RAPGEF1: variants seen among roughly 807,000 people sequenced by gnomAD.
RAPGEF1 encodes the protein Rap guanine nucleotide exchange factor 1.
A neutral mutation model predicts 143.3 loss-of-function variants in RAPGEF1; 33 were observed. The observed-to-expected ratio is 0.23, with a 90% CI of 0.17 to 0.31. The LOEUF is 0.31. Ranked by LOEUF, RAPGEF1 falls within the 10% of genes least tolerant of loss-of-function variation. The probability of loss-of-function intolerance (pLI) is 1.00; values close to 1 mark genes in which losing one functional copy is unlikely to be tolerated. For synonymous variants in RAPGEF1, 629 were observed against 676.5 expected, an observed-to-expected ratio of 0.93 and a Z score of 1.09; for missense variants, 1,199 against 1,645.4, an observed-to-expected ratio of 0.73 and a Z score of 4.69.
At chr9:131,598,045 G>A (rs1052210014) in intron 16 of RAPGEF1, among the ~76,000 whole-genome samples, 154 bp downstream of exon 16, 1 of 152,176 alleles carries the variant, frequency 6.6e-6, no homozygotes, top group Non-Finnish European at 1.5e-5. Flanking sequence ...CCCCTCCAGA[G>A]CCCACAGCCC....
Position 131,626,224 on chromosome 9 carries a change from G to C in RAPGEF1, c.1400C>G (p.Thr467Arg), listed in dbSNP as rs1327015667. 1 of 1,613,910 alleles carries C rather than the reference G, an allele frequency of 6.2e-7. No individual in the cohort carries two copies. The highest frequency in any genetic ancestry group is 8.5e-7 in the Non-Finnish European group (1 of 1,179,822). The change falls in exon 10 of 27, where the codon ACA becomes AGA. Residue 467 changes from threonine to arginine, a missense_variant. Physicochemically the swap from Thr to Arg is moderately conservative, Grantham distance 71. Around this residue, in one of 6 missense-constraint regions of RAPGEF1, gnomAD observed 613 missense variants for 710.9 expected, o/e 0.86. Coordinates refer to ENST00000683357, the MANE Select transcript of RAPGEF1 (RefSeq NM_001377935.1). ...PDGPLAPGQQ[T>R]DTPPALPEKK... The stretch of plus-strand genomic sequence containing the variant: ...CTCGGGGAGAGCAGGTGGCGTATCT[G>C]TCTGCTGCCCTGGGGCCAGAGGTCC...
chr9:131,584,669 C>T lies in RAPGEF1; in HGVS notation c.3234-73G>A, dbSNP rs1273409131. 4.0e-6 allele frequency: 6 copies of T among 1,500,332 alleles called. No homozygotes were observed. The highest frequency in any genetic ancestry group is 2.3e-5 in the East Asian group (1 of 44,294). The allele number at this position is 1,500,332 out of a possible 1,614,324, so 92.9% of individuals were successfully genotyped here. Reference sequence around the variant, plus strand: ...CAGGTCCCAGGGGTCCTGGTGGAGACAGGACCTGTACGACCCCCATGCCAG... The same window carrying T: ...CAGGTCCCAGGGGTCCTGGTGGAGATAGGACCTGTACGACCCCCATGCCAG... On this transcript the variant is annotated intron_variant, in intron 22 of 26. Coordinates refer to ENST00000683357, the MANE Select transcript of RAPGEF1 (RefSeq NM_001377935.1). This position sits in a 1 kb window ranked among gnomAD's most constrained non-coding sequence, Gnocchi z 6.8.
chr9:131,715,688 A>G (rs945558848), intron 1 of RAPGEF1, among the ~76,000 whole-genome samples: 1 of 151,604 alleles, frequency 6.6e-6, no homozygotes. Context: ...AGATGGTGAA[A>G]CCCCATCTCT....
rs1261694465 is a variant in RAPGEF1 at position 131,667,251 on chromosome 9, A to G, written c.62-16302T>C. 1.3e-5 allele frequency among the ~76,000 whole-genome samples: 2 copies of G among 152,142 alleles called. No homozygotes were observed. The highest frequency in any genetic ancestry group is 2.9e-5 in the Non-Finnish European group (2 of 68,022). ...GTGATCTGCCTGCCTCGGCCTCCCC[A>G]AAGTGCTGGGATTACAGGTGTGAGC... On this transcript the variant is annotated intron_variant, in intron 1 of 26. Transcript: ENST00000683357. This position sits in a 1 kb window ranked among gnomAD's most constrained non-coding sequence, Gnocchi z 4.6.
chr9:131,593,416 G>A (rs1159750137), intron 17 of RAPGEF1, among the ~76,000 whole-genome samples: 2 of 152,242 alleles, frequency 1.3e-5, no homozygotes, highest in African/African-American at 4.8e-5. Flanking sequence ...CACCCCCCGT[G>A]CCTGCTGAGG....
chr9:131,643,124 A>C, intron 4 of RAPGEF1, 115 bp downstream of exon 4: 1 of 1,191,030 alleles, frequency 8.4e-7, no homozygotes, highest in Non-Finnish European at 1.2e-6. Context: ...ATGAGGGGTG[A>C]TGGAGTCCTT....
chr9:131,714,476 G>C (rs980291495), intron 1 of RAPGEF1, among the ~76,000 whole-genome samples: 4 of 152,062 alleles, frequency 2.6e-5, no homozygotes, highest in African/African-American at 9.7e-5. Flanking sequence ...TTTGTGTATG[G>C]AATTTGTCTG....
chr9:131,584,262 C>A lies in RAPGEF1; in HGVS notation c.3414+49G>T. ...CACAGCTAGTCGCCTGAGGGCTGGGCGGCCCCCCTTACCAGCCACCCTCCC... is the reference window on the plus strand; with the variant it reads ...CACAGCTAGTCGCCTGAGGGCTGGGAGGCCCCCCTTACCAGCCACCCTCCC... On this transcript the variant is annotated intron_variant, in intron 24 of 26. Transcript: ENST00000683357. The surrounding 1 kb of genome is among the most constrained non-coding windows in gnomAD (Gnocchi z 6.8). 1 of 1,494,686 alleles carries A rather than the reference C, an allele frequency of 6.7e-7. No homozygotes were observed. Among genetic ancestry groups the A allele is most frequent in the South Asian group, 1.2e-5 (1 of 84,282 alleles). 92.6% of individuals were successfully genotyped at this position (1,494,686 alleles called of 1,614,324 possible).
intron 16 of RAPGEF1, 123 bp downstream of exon 16, chr9:131,598,076 G>A: frequency 1.2e-6 from 1 of 809,506 alleles, no homozygotes; most frequent in Non-Finnish European, 2.0e-6. Flanking sequence ...CAGGGGCATT[G>A]AAAGACTTGG....
chr9:131,584,482 AT>A lies in RAPGEF1; in HGVS notation c.3312+35del. ...TCCCGGGCTCCCAGAGCAGGGACTG[AT>A]GATGGGGGCCTGGGAAGGACTTGGC... On this transcript the variant is annotated intron_variant, in intron 23 of 26. Transcript: ENST00000683357. This position sits in a 1 kb window ranked among gnomAD's most constrained non-coding sequence, Gnocchi z 6.8. The A allele has an allele frequency of 6.2e-7, 1 of 1,613,040 alleles. No homozygotes were observed. The highest frequency in any genetic ancestry group is 8.5e-7 in the Non-Finnish European group (1 of 1,178,974).
At chr9:131,596,584 C>G (rs1311525846) in intron 16 of RAPGEF1, among the ~76,000 whole-genome samples, 1 of 152,234 alleles carries the variant, frequency 6.6e-6, no homozygotes, top group African/African-American at 2.4e-5. Flanking sequence ...CAGGCACAAA[C>G]TGGACTGTGT....
At chr9:131,696,943 G>A (rs1834229637) in intron 1 of RAPGEF1, among the ~76,000 whole-genome samples, 1 of 152,174 alleles carries the variant, frequency 6.6e-6, no homozygotes, top group East Asian at 1.9e-4. Flanking sequence ...TCGTATTCAC[G>A]CCTCATATGC....
intron 1 of RAPGEF1, among the ~76,000 whole-genome samples, chr9:131,670,000 C>G (rs1011842242): frequency 2.0e-5 from 3 of 152,098 alleles, no homozygotes; most frequent in Admixed American, 6.5e-5. Context: ...AGTGAGCACC[C>G]AGCACCACCG....
At chr9:131,703,770 A>C (rs1163678682) in intron 1 of RAPGEF1, among the ~76,000 whole-genome samples, 1 of 152,228 alleles carries the variant, frequency 6.6e-6, no homozygotes, top group East Asian at 1.9e-4. Flanking sequence ...GCTAGCACAT[A>C]TGAAAGGCAG....
intron 25 of RAPGEF1, among the ~76,000 whole-genome samples, chr9:131,580,673 G>GGCT (rs1056626076): frequency 6.6e-6 from 1 of 152,042 alleles, no homozygotes; most frequent in African/African-American, 2.4e-5. Flanking sequence ...CGAAGCTGTG[G>GGCT]GCTGCTAAAG....
intron 1 of RAPGEF1, among the ~76,000 whole-genome samples, chr9:131,722,582 G>T (rs1011126111): frequency 1.3e-5 from 2 of 152,224 alleles, no homozygotes; most frequent in Non-Finnish European, 2.9e-5. Context: ...GGCTCCCAGG[G>T]ACTTCCATCG....
At chr9:131,703,899 C>T (rs1419916789) in intron 1 of RAPGEF1, among the ~76,000 whole-genome samples, 3 of 152,172 alleles carry the variant, frequency 2.0e-5, no homozygotes, top group Non-Finnish European at 4.4e-5. Flanking sequence ...ACTCACACAG[C>T]CATTGGGATT....
At position 131,608,155 on chromosome 9, in the gene RAPGEF1, C is replaced by T. The variant is rs555671138; in HGVS notation, c.2062-2967G>A. ...CGGGGATGAAAACAATAGCCCCTCC[C>T]CCATAAGGTTTCTGCGACGTTCCGC... is the stretch of plus-strand genomic sequence containing the variant. On this transcript the variant is annotated intron_variant, in intron 12 of 26. Coordinates refer to ENST00000683357, the MANE Select transcript of RAPGEF1 (RefSeq NM_001377935.1). Among the ~76,000 whole-genome samples, 181 of 152,328 alleles carry T rather than the reference C, an allele frequency of 1.2e-3. 2 individuals carry two copies. The highest frequency in any genetic ancestry group is 4.2e-3 in the African/African-American group (173 of 41,570).
At chr9:131,637,327 C>G (rs1352100817) in intron 5 of RAPGEF1, among the ~76,000 whole-genome samples, 1 of 152,100 alleles carries the variant, frequency 6.6e-6, no homozygotes, top group African/African-American at 2.4e-5. Context: ...CCAGCAGACA[C>G]GTCAGCCTCC....
Sources: gnomAD v4.1 joint callset for allele counts (sites outside exome capture counted in the v4.1 genomes callset) on GRCh38, gnomAD v4.1.1 for gene constraint, gnomAD v4.1.1 regional missense constraint, Gnocchi (gnomAD v3.1) non-coding constraint, MANE v1.5 for transcripts, NCBI Gene and HGNC (gene_info 2026-07-23, HGNC 2026-07-21) for gene names.